Variants in HYDIN observed in about 807,000 individuals in gnomAD.
The protein encoded by HYDIN is HYDIN axonemal central pair apparatus protein.
Under a neutral mutation model 403.9 loss-of-function variants are expected in HYDIN, and 132 were observed. That is an observed-to-expected ratio of 0.33 (90% confidence interval 0.28 to 0.38). HYDIN has a LOEUF of 0.38. Ranked by LOEUF, HYDIN falls within the 10% of genes least tolerant of loss-of-function variation. HYDIN has a pLI of 1.00. For missense variants in HYDIN, 2,827 were observed against 5,009.5 expected, an observed-to-expected ratio of 0.56 and a Z score of 13.15; for synonymous variants, 1,202 against 1,891.7, an observed-to-expected ratio of 0.64 and a Z score of 9.46.
chr16:71,058,597 A>T lies in HYDIN; in HGVS notation c.2529+1907T>A, dbSNP rs547047875. 4.9e-3 allele frequency among the ~76,000 whole-genome samples: 681 copies of T among 137,616 alleles called. 1 individual carries two copies. The highest frequency in any genetic ancestry group is 8.4e-3 in the Non-Finnish European group (525 of 62,718). The allele number at this position is 137,616 out of a possible 152,430, so 90.3% of individuals were successfully genotyped here. On this transcript the variant is annotated intron_variant, in intron 18 of 85. Transcript: ENST00000393567. ...ACCCTAAAACTTAAAGTATAATAAA[A>T]AAATAAATAAATAAATAAAATTAAA...
intron 5 of HYDIN, among the ~76,000 whole-genome samples, chr16:71,171,519 T>A (rs565478671): frequency 6.6e-6 from 1 of 152,218 alleles, no homozygotes; most frequent in Non-Finnish European, 1.5e-5. Context: ...TGAAATAATA[T>A]TATTCATTTG....
chr16:71,179,291 T>C (rs1400680157), intron 3 of HYDIN, among the ~76,000 whole-genome samples: 1 of 151,986 alleles, frequency 6.6e-6, no homozygotes, highest in East Asian at 1.9e-4. Flanking sequence ...ATGCCTACTT[T>C]TCAACATCAC....
intron 28 of HYDIN, among the ~76,000 whole-genome samples, chr16:70,982,417 C>A (rs2079074207): frequency 6.6e-6 from 1 of 150,972 alleles, no homozygotes; most frequent in Non-Finnish European, 1.5e-5. Context: ...CAGTTTATGA[C>A]CCATTCAGGA....
rs2076990816 is a variant in HYDIN, at chr16:70,921,365, A to C, written c.7159-148T>G. The C allele has an allele frequency of 7.0e-6, 5 of 712,254 alleles. No homozygotes were observed. The Admixed American group carries it at 8.7e-5, about 12-fold the overall frequency. 44.1% of individuals were successfully genotyped at this position (712,254 alleles called of 1,614,324 possible). A position where few individuals can be genotyped will look rare whatever the true frequency, so the allele number is the denominator to read the frequency against. ...CTGCACGCTAAGGTTGTGCCTGGGA[A>C]TCATCTTGGGGGTTTTAATCTAAAT... On this transcript the variant is annotated intron_variant, in intron 45 of 85. Coordinates refer to ENST00000393567, the MANE Select transcript of HYDIN (RefSeq NM_001270974.2).
chr16:71,179,544 T>G (rs969387020), intron 3 of HYDIN, among the ~76,000 whole-genome samples: 1 of 152,056 alleles, frequency 6.6e-6, no homozygotes. Context: ...GAAAGGAGAA[T>G]AATAAAGGGG....
At chr16:71,026,979 C>T (rs1157436157) in intron 20 of HYDIN, 3 of 224,318 alleles carry the variant, frequency 1.3e-5, no homozygotes, top group African/African-American at 2.3e-5. Context: ...AAAGCCTTTC[C>T]TTTAGGTTTT....
chr16:71,051,506 C>T (rs1265577368), intron 18 of HYDIN, among the ~76,000 whole-genome samples: 1 of 151,856 alleles, frequency 6.6e-6, no homozygotes, highest in East Asian at 1.9e-4. Flanking sequence ...ATTAGCCGGA[C>T]GTGGTGGCGG....
chr16:71,160,576 T>A (rs532092077), intron 6 of HYDIN, among the ~76,000 whole-genome samples: 1 of 151,742 alleles, frequency 6.6e-6, no homozygotes, highest in South Asian at 2.1e-4. Context: ...TACTCCATGG[T>A]AGCCTAACTT....
intron 1 of HYDIN, among the ~76,000 whole-genome samples, chr16:71,189,887 G>A (rs1386762138): frequency 1.3e-5 from 2 of 152,004 alleles, no homozygotes; most frequent in East Asian, 3.9e-4. Context: ...TGTTGGTCAT[G>A]ATATTAGTAA....
At chr16:71,093,393 T>C (rs2083174910) in intron 11 of HYDIN, among the ~76,000 whole-genome samples, 1 of 151,636 alleles carries the variant, frequency 6.6e-6, no homozygotes, top group African/African-American at 2.4e-5. Flanking sequence ...AAGAGAAAAT[T>C]CTGAAATGTG....
At chr16:70,913,047 G>A (rs1038930325) in intron 47 of HYDIN, among the ~76,000 whole-genome samples, 1 of 151,788 alleles carries the variant, frequency 6.6e-6, no homozygotes, top group Non-Finnish European at 1.5e-5. Flanking sequence ...CTTGCTAATG[G>A]TCTATCAATT....
intron 10 of HYDIN, among the ~76,000 whole-genome samples, chr16:71,106,746 G>A (rs1332227759): frequency 1.3e-5 from 2 of 150,768 alleles, no homozygotes; most frequent in African/African-American, 4.9e-5. Flanking sequence ...CAACATAGAT[G>A]AGACATGTAG....
At chr16:70,857,953 G>C (rs1405822775) in intron 71 of HYDIN, 83 bp from the exon 72 acceptor site, 1 of 1,224,910 alleles carries the variant, frequency 8.2e-7, no homozygotes, top group African/African-American at 1.5e-5. Flanking sequence ...GTCAGCACGA[G>C]GGTCATGAGA....
At position 70,882,651 on chromosome 16, in the gene HYDIN, G is replaced by A. The variant is rs147082287; in HGVS notation, c.10215+9C>T. 17,290 of 1,527,840 alleles carry A rather than the reference G, an allele frequency of 0.011. 186 individuals are homozygous for A. The highest frequency in any genetic ancestry group is 0.09 in the Middle Eastern group (533 of 5,900). 94.6% of individuals were successfully genotyped at this position (1,527,840 alleles called of 1,614,324 possible). ...CACGCTGGGCCAGGGGCCATTGGGA[G>A]CGTCTTACCTTATTGGAGATAGGCC... is the stretch of plus-strand genomic sequence containing the variant. On this transcript the variant is annotated intron_variant, in intron 60 of 85. Transcript: ENST00000393567.
At chr16:71,200,440 AG>A (rs1215234972) in intron 1 of HYDIN, among the ~76,000 whole-genome samples, 1 of 152,194 alleles carries the variant, frequency 6.6e-6, no homozygotes, top group African/African-American at 2.4e-5. Flanking sequence ...AGCATGGCTT[AG>A]GTTTCTGAAA....
At chr16:71,078,676 T>C (rs2082690474) in intron 13 of HYDIN, among the ~76,000 whole-genome samples, 1 of 152,094 alleles carries the variant, frequency 6.6e-6, no homozygotes, top group Admixed American at 6.6e-5. Context: ...AGCTGATTGT[T>C]TTAGTTTTTT....
intron 23 of HYDIN, among the ~76,000 whole-genome samples, chr16:71,004,681 C>A (rs111898380): frequency 6.6e-6 from 1 of 152,114 alleles, no homozygotes; most frequent in African/African-American, 2.4e-5. Flanking sequence ...GGCCTGAAAT[C>A]TTTATGTCTG....
intron 7 of HYDIN, among the ~76,000 whole-genome samples, chr16:71,145,828 C>T (rs1368169524): frequency 6.6e-6 from 1 of 152,078 alleles, no homozygotes; most frequent in Non-Finnish European, 1.5e-5. Flanking sequence ...TCTATTTGGG[C>T]TTCTGATTAG....
At chr16:71,069,534 A>C in intron 13 of HYDIN, 32 bp from the exon 14 acceptor site, 1 of 1,583,986 alleles carries the variant, frequency 6.3e-7, no homozygotes, top group East Asian at 2.3e-5. Context: ...GAGAAATAAA[A>C]GCCCCCCCAA....
Sources: gnomAD v4.1 joint callset for allele counts (sites outside exome capture counted in the v4.1 genomes callset) on GRCh38, gnomAD v4.1.1 for gene constraint, MANE v1.5 for transcripts, NCBI Gene and HGNC (gene_info 2026-07-23, HGNC 2026-07-21) for gene names.